KIF3B: variants seen among roughly 807,000 people sequenced by gnomAD.
KIF3B encodes the protein kinesin-like protein KIF3B.
KIF3B carries 38 observed loss-of-function variants against 74.3 expected under a neutral mutation model. The observed-to-expected ratio is 0.51, with a 90% CI of 0.39 to 0.67. KIF3B has a LOEUF of 0.67. Ranked by LOEUF, KIF3B falls within the 30% of genes least tolerant of loss-of-function variation. The pLI is 0.00. For missense variants in KIF3B, 649 were observed against 932.0 expected (o/e 0.70, Z 3.95); for synonymous variants, 326 against 342.5 (o/e 0.95, Z 0.53).
At position 32,334,095 on chromosome 20, in the gene KIF3B, C is replaced by T. The variant is rs1364450470; in HGVS notation, c.*2776C>T. On this transcript the variant is annotated 3_prime_UTR_variant, in exon 9 of 9. Coordinates refer to ENST00000375712, the MANE Select transcript of KIF3B (RefSeq NM_004798.4). ...CTGAGGGCCTTCATGCCGGCAGCAG[C>T]TAGCAAAGCCAGAAAGCAAGTCTAA... The T allele has an allele frequency of 1.3e-5, 2 of 152,680 alleles. No individual in the cohort carries two copies. Among genetic ancestry groups the T allele is most frequent in the Non-Finnish European group, 2.9e-5 (2 of 68,110 alleles). The allele number at this position is 152,680 out of a possible 1,614,324, so 9.5% of individuals were successfully genotyped here.
chr20:32,323,102 TTATA>T (rs1358030694), intron 5 of KIF3B, among the ~76,000 whole-genome samples: 2 of 88,810 alleles, frequency 2.3e-5, no homozygotes, highest in African/African-American at 4.3e-5. Flanking sequence ...ATTTATATAT[TTATA>T]TATATTTATA....
At chr20:32,284,104 T>A (rs1003761326) in intron 1 of KIF3B, among the ~76,000 whole-genome samples, 1 of 152,002 alleles carries the variant, frequency 6.6e-6, no homozygotes, top group African/African-American at 2.4e-5. Context: ...AAATTTTTGT[T>A]TTTAATTTTT....
intron 5 of KIF3B, among the ~76,000 whole-genome samples, chr20:32,317,352 A>C (rs1444605735): frequency 6.6e-6 from 1 of 152,072 alleles, no homozygotes; most frequent in East Asian, 1.9e-4. Context: ...TGTTAACTGA[A>C]TGACTTCATC....
In KIF3B at chr20:32,311,157, C is replaced by G; in HGVS notation, c.1380C>G (p.Ala460=). Residue 460 remains alanine, a synonymous_variant, in exon 2 of 9, where the codon GCC becomes GCG. Coordinates refer to ENST00000375712, the MANE Select transcript of KIF3B (RefSeq NM_004798.4). Reference sequence around the variant, plus strand: ...ACCTGCGGCGGGAGAAGGATGCTGCCGAGATGCTGGGCGCCAAGATCAAGG... The same window carrying G: ...ACCTGCGGCGGGAGAAGGATGCTGCGGAGATGCTGGGCGCCAAGATCAAGG... ...MEDLRREKDA[A]EMLGAKIKAM... is the part of the protein sequence containing the mutation. 1 of 1,610,578 alleles carries G rather than the reference C, an allele frequency of 6.2e-7. No individual in the cohort carries two copies. Among genetic ancestry groups the G allele is most frequent in the South Asian group, 1.1e-5 (1 of 90,478 alleles).
Position 32,311,188 on chromosome 20 carries a change from T to C in KIF3B, c.1404+7T>C. ...GCTGGGCGCCAAGATCAAGGTACCA[T>C]ACCCGTACCCTTCCTTAGGCCCTTG... On this transcript the variant is annotated splice_region_variant and intron_variant, in intron 2 of 8. Transcript: ENST00000375712. The C allele has an allele frequency of 2.5e-6, 4 of 1,590,878 alleles. No homozygotes were observed. Among genetic ancestry groups the C allele is most frequent in the Non-Finnish European group, 3.4e-6 (4 of 1,168,932 alleles).
chr20:32,320,006 T>G (rs1311087622), intron 5 of KIF3B, among the ~76,000 whole-genome samples: 1 of 152,076 alleles, frequency 6.6e-6, no homozygotes, highest in African/African-American at 2.4e-5. Context: ...GTGATTGTCC[T>G]GCTTCAGCCT....
In KIF3B at chr20:32,309,814, G is replaced by A; in HGVS notation, c.37G>A (p.Val13Met). The part of the protein sequence containing the change: ...KLKSSESVRV[V>M]VRCRPMNGKE... ...GAAAAGCTCAGAGTCAGTCAGGGTG[G>A]TGGTTCGCTGTCGGCCCATGAATGG... Residue 13 changes from valine (V) to methionine (M), a missense_variant, in exon 2 of 9, where the codon GTG (valine) becomes ATG (methionine). Transcript: ENST00000375712. 1 of 1,614,116 alleles carries A rather than the reference G, an allele frequency of 6.2e-7. No homozygotes were observed. The highest frequency in any genetic ancestry group is 8.5e-7 in the Non-Finnish European group (1 of 1,180,000).
chr20:32,277,706 C>CCCGCCGCCGCCGCCGCCG lies in KIF3B; in HGVS notation c.-104_-87dup, dbSNP rs756318630. The CCCGCCGCCGCCGCCGCCG allele has an allele frequency of 1.2e-5, 3 of 246,380 alleles. No homozygotes were observed. Among genetic ancestry groups the CCCGCCGCCGCCGCCGCCG allele is most frequent in the African/African-American group, 4.7e-5 (2 of 42,792 alleles). The allele number at this position is 246,380 out of a possible 1,614,324, so 15.3% of individuals were successfully genotyped here. A position where few individuals can be genotyped will look rare whatever the true frequency, so the allele number is the denominator to read the frequency against. ...ATGGCTGAGCCAGGGGTTCGCCGCC[C>CCCGCCGCCGCCGCCGCCG]CCGCCGCCGCCGCCGCCGCCGCCGC... On this transcript the variant is annotated 5_prime_UTR_variant, in exon 1 of 9. Coordinates refer to ENST00000375712, the MANE Select transcript of KIF3B (RefSeq NM_004798.4).
chr20:32,321,718 ATTGAAGGT>A (rs1199766647), intron 5 of KIF3B, among the ~76,000 whole-genome samples: 1 of 152,092 alleles, frequency 6.6e-6, no homozygotes, highest in Non-Finnish European at 1.5e-5. Flanking sequence ...TTTTCTACAA[ATTGAAGGT>A]TTGTGGAAAC....
intron 1 of KIF3B, among the ~76,000 whole-genome samples, chr20:32,299,213 T>C (rs1260607822): frequency 6.6e-6 from 1 of 151,552 alleles, no homozygotes; most frequent in Non-Finnish European, 1.5e-5. Context: ...TTCACCTCTA[T>C]AGTTAATGCA....
intron 5 of KIF3B, among the ~76,000 whole-genome samples, chr20:32,321,421 T>G (rs1479186552): frequency 1.4e-5 from 2 of 144,470 alleles, no homozygotes; most frequent in Non-Finnish European, 3.0e-5. Flanking sequence ...AGAGCAAGAC[T>G]CTGTCTCAAA....
chr20:32,326,790 T>C lies in KIF3B; in HGVS notation c.1768T>C (p.Phe590Leu). 3.4e-6 allele frequency: 5 copies of C among 1,486,070 alleles called. No individual in the cohort carries two copies. The highest frequency in any genetic ancestry group is 4.7e-6 in the Non-Finnish European group (5 of 1,071,474). 92.1% of individuals were successfully genotyped at this position (1,486,070 alleles called of 1,614,324 possible). ...TTACAGGCATCTTATTATAGAAAACTTTATCCCTCTGGAAGAAAAAAGTAA... is the reference window on the plus strand; with the variant it reads ...TTACAGGCATCTTATTATAGAAAACCTTATCCCTCTGGAAGAAAAAAGTAA... ...LKLKHLIIEN[F>L]IPLEEKSKIM... Residue 590 changes from phenylalanine (F) to leucine (L), a missense_variant, in exon 6 of 9, where the codon TTT becomes CTT. Around this residue, in one of 4 missense-constraint regions of KIF3B, gnomAD observed 186 missense variants for 198.5 expected, o/e 0.94. Coordinates refer to ENST00000375712, the MANE Select transcript of KIF3B (RefSeq NM_004798.4).
intron 1 of KIF3B, among the ~76,000 whole-genome samples, chr20:32,298,970 C>T (rs1310481617): frequency 1.3e-5 from 2 of 152,168 alleles, no homozygotes; most frequent in Non-Finnish European, 2.9e-5. Flanking sequence ...TCCTATCCCA[C>T]TTTTTAGTAC....
At chr20:32,327,771 T>G in intron 7 of KIF3B, 110 bp downstream of exon 7, 2 of 673,806 alleles carry the variant, frequency 3.0e-6, no homozygotes, top group East Asian at 5.8e-5. Context: ...CAGAGGTACT[T>G]GAAGACATTT....
intron 1 of KIF3B, among the ~76,000 whole-genome samples, chr20:32,280,974 A>T (rs1042046168): frequency 1.3e-5 from 2 of 152,152 alleles, no homozygotes; most frequent in African/African-American, 4.8e-5. Context: ...ACTGATTCTA[A>T]TCTGTTTTGT....
chr20:32,277,775 A>G lies in KIF3B; in HGVS notation c.-66+10A>G, dbSNP rs2047623232. On this transcript the variant is annotated intron_variant, in intron 1 of 8. Transcript: ENST00000375712. ...TCGGCTCGGGCCTCAGGTGAGTCGG[A>G]GGGGCCGGGCGCCCACCGAGCAGGG... 4.3e-6 allele frequency: 1 copy of G among 232,636 alleles called. No individual in the cohort carries two copies. Among genetic ancestry groups the G allele is most frequent in the Non-Finnish European group, 8.0e-6 (1 of 124,800 alleles). The allele number at this position is 232,636 out of a possible 1,614,324, so 14.4% of individuals were successfully genotyped here.
At chr20:32,308,007 G>A (rs1569199284) in intron 1 of KIF3B, among the ~76,000 whole-genome samples, 3 of 151,850 alleles carry the variant, frequency 2.0e-5, no homozygotes, top group Non-Finnish European at 4.4e-5. Flanking sequence ...GAATGAGGTG[G>A]AGGGATCCCT....
At chr20:32,331,139 C>A in intron 8 of KIF3B, 84 bp from the exon 9 acceptor site, 1 of 999,582 alleles carries the variant, frequency 1.0e-6, no homozygotes, top group South Asian at 1.3e-5. Flanking sequence ...TGAAGAATGG[C>A]CTGAAATGAA....
At chr20:32,306,620 T>G (rs184908892) in intron 1 of KIF3B, among the ~76,000 whole-genome samples, 1,662 of 123,804 alleles carry the variant, frequency 0.013, 28 homozygotes, top group Non-Finnish European at 0.018. Flanking sequence ...AGACGGAGTC[T>G]CGCTGTGTCA....
Sources: allele counts gnomAD v4.1 joint callset (sites outside exome capture counted in the v4.1 genomes callset), GRCh38; gene constraint gnomAD v4.1.1; regional missense constraint gnomAD v4.1.1; transcripts MANE v1.5; gene names NCBI Gene and HGNC (gene_info 2026-07-23, HGNC 2026-07-21).